The following DTNB variants were observed in gnomAD, a reference collection of about 807,000 sequenced individuals.
The protein encoded by DTNB is DTN-B.
DTNB carries 63 observed loss-of-function variants against 90.7 expected under a neutral mutation model. The observed-to-expected ratio is 0.69, with a 90% CI of 0.57 to 0.86. The LOEUF (loss-of-function observed/expected upper bound fraction) is 0.86. DTNB is among the 40% of genes least tolerant of loss of function. The pLI is 0.00. For synonymous variants in DTNB, 277 were observed against 286.7 expected (o/e 0.97, Z 0.34); for missense variants, 744 against 807.1 (o/e 0.92, Z 0.95).
intron 16 of DTNB, among the ~76,000 whole-genome samples, chr2:25,416,850 G>T (rs528580886): frequency 2.7e-5 from 3 of 111,508 alleles, no homozygotes; most frequent in African/African-American, 3.9e-5. Flanking sequence ...GGAAGGAAGG[G>T]TGGTTGGGTT....
intron 16 of DTNB, among the ~76,000 whole-genome samples, chr2:25,400,067 G>T (rs1424802519): frequency 6.6e-6 from 1 of 152,214 alleles, no homozygotes; most frequent in Non-Finnish European, 1.5e-5. Context: ...TTGTACAGAT[G>T]ATGCTGATGA....
intron 3 of DTNB, among the ~76,000 whole-genome samples, chr2:25,635,071 TAAAAAAAGA>T: frequency 7.6e-6 from 1 of 131,470 alleles, no homozygotes; most frequent in African/African-American, 2.8e-5. Context: ...AATAAAAAAA[TAAAAAAAGA>T]AAAAAAAAAA....
Position 25,388,291 on chromosome 2 carries a change from C to G in DTNB, c.1646G>C (p.Arg549Pro). The G allele has an allele frequency of 6.2e-7, 1 of 1,613,092 alleles. No homozygotes were observed. Among genetic ancestry groups the G allele is most frequent in the Non-Finnish European group, 8.5e-7 (1 of 1,179,602 alleles). ...GGGGGTGGAGCCGGCAGACGTGGAG[C>G]GCACTGGCATGGGCATTGGCCGGCC... ...GGGRPMPMPV[R>P]STSAGSTPTH... The change falls in exon 17 of 21, where the codon CGC becomes CCC. Residue 549 changes from arginine to proline, a missense_variant. Transcript: ENST00000406818.
rs1447914578 is a variant in DTNB at position 25,447,912 on chromosome 2, GT to G, written c.1257+3635del. ...ACTCTTCACTTTGCACGTAACCGAG[GT>G]TTTGCCACACAAATTCCTGACAATT... On this transcript the variant is annotated intron_variant, in intron 12 of 20. Transcript: ENST00000406818. Among the ~76,000 whole-genome samples the G allele has an allele frequency of 3.3e-5, 5 of 151,962 alleles. No homozygotes were observed. In the South Asian group the frequency reaches 8.3e-4, roughly 25 times the overall value.
Position 25,554,114 on chromosome 2 carries a change from T to C in DTNB, c.877-22517A>G, listed in dbSNP as rs1572502025. ...ACTGCTACATGAAATGCTAATACTT[T>C]TAAAACTGAAAAAGCTGTGAATGTG... On this transcript the variant is annotated intron_variant, in intron 8 of 20. Coordinates refer to ENST00000406818, the MANE Select transcript of DTNB (RefSeq NM_021907.5). Among the ~76,000 whole-genome samples, 4 of 152,272 alleles carry C rather than the reference T, an allele frequency of 2.6e-5. No homozygotes were observed. In the South Asian group the frequency reaches 6.2e-4, roughly 24 times the overall value.
At chr2:25,503,925 GAAAA>G (rs577391730) in intron 9 of DTNB, among the ~76,000 whole-genome samples, 1 of 134,080 alleles carries the variant, frequency 7.5e-6, no homozygotes, top group African/African-American at 2.7e-5. Context: ...TCAAAAAAAA[GAAAA>G]AAAAAAACAG....
At chr2:25,414,922 C>A (rs2047514748) in intron 16 of DTNB, among the ~76,000 whole-genome samples, 1 of 152,102 alleles carries the variant, frequency 6.6e-6, no homozygotes, top group African/African-American at 2.4e-5. Context: ...AAATCATGGG[C>A]TGAACAGTCA....
In DTNB at chr2:25,562,522, C is replaced by T. The variant is rs2058417905; in HGVS notation, c.876+14316G>A. 3.3e-5 allele frequency among the ~76,000 whole-genome samples: 5 copies of T among 152,192 alleles called. 1 individual carries two copies. The South Asian group carries it at 1.0e-3, about 32-fold the overall frequency. On this transcript the variant is annotated intron_variant, in intron 8 of 20. Coordinates refer to ENST00000406818, the MANE Select transcript of DTNB (RefSeq NM_021907.5). ...ACTGTTAAACTGTTTTCCAATGTGG[C>T]TATACCATTTTATATTCCCACCAAC...
At chr2:25,546,993 T>C (rs2082563774) in intron 8 of DTNB, among the ~76,000 whole-genome samples, 1 of 152,098 alleles carries the variant, frequency 6.6e-6, no homozygotes, top group African/African-American at 2.4e-5. Context: ...ACGAAAGGCA[T>C]ACACCACTGT....
chr2:25,470,704 T>C (rs989690582), intron 10 of DTNB, among the ~76,000 whole-genome samples: 1 of 152,152 alleles, frequency 6.6e-6, no homozygotes, highest in African/African-American at 2.4e-5. Context: ...GATCACAGTA[T>C]GTAAAGCTGT....
chr2:25,646,728 T>A (rs1559373362), intron 2 of DTNB, among the ~76,000 whole-genome samples: 1 of 152,208 alleles, frequency 6.6e-6, no homozygotes, highest in Non-Finnish European at 1.5e-5. Flanking sequence ...AACCAATATG[T>A]TTCTTAAATG....
At chr2:25,492,321 C>T (rs2067715169) in intron 9 of DTNB, among the ~76,000 whole-genome samples, 1 of 152,134 alleles carries the variant, frequency 6.6e-6, no homozygotes, top group African/African-American at 2.4e-5. Flanking sequence ...GGTTCCTAAT[C>T]TCAGCCTAGC....
chr2:25,385,849 C>G (rs1030314391), intron 18 of DTNB, among the ~76,000 whole-genome samples: 2 of 152,140 alleles, frequency 1.3e-5, no homozygotes, highest in Admixed American at 6.5e-5. Context: ...ATTTAATGAC[C>G]TCTCACCCTA....
At chr2:25,399,632 C>T (rs2043214799) in intron 16 of DTNB, among the ~76,000 whole-genome samples, 1 of 62,982 alleles carries the variant, frequency 1.6e-5, no homozygotes, top group South Asian at 4.5e-4. Context: ...GAGTGCTGGG[C>T]CCAGCCAACC....
intron 16 of DTNB, among the ~76,000 whole-genome samples, chr2:25,405,228 C>T (rs1021702616): frequency 3.9e-5 from 6 of 152,208 alleles, no homozygotes; most frequent in African/African-American, 9.6e-5. Flanking sequence ...ATGCCTGGCC[C>T]GACTAACCAC....
intron 7 of DTNB, among the ~76,000 whole-genome samples, chr2:25,579,390 G>A (rs899918909): frequency 2.0e-5 from 3 of 152,202 alleles, no homozygotes; most frequent in Non-Finnish European, 4.4e-5. Context: ...ATAGGAAAGC[G>A]AGAAAATAAA....
At chr2:25,433,065 A>G (rs2054496103) in intron 13 of DTNB, 66 bp from the exon 14 acceptor site, 1 of 1,451,122 alleles carries the variant, frequency 6.9e-7, no homozygotes, top group Non-Finnish European at 9.2e-7. Context: ...CTCTTTCCCT[A>G]TTACAACTTT....
chr2:25,496,374 G>A (rs906654402), intron 9 of DTNB, among the ~76,000 whole-genome samples: 3 of 152,086 alleles, frequency 2.0e-5, no homozygotes, highest in South Asian at 2.1e-4. Flanking sequence ...AGAAAGGATG[G>A]CATCTTAAAT....
chr2:25,546,559 G>A (rs2082460658), intron 8 of DTNB, among the ~76,000 whole-genome samples: 2 of 152,162 alleles, frequency 1.3e-5, no homozygotes, highest in Admixed American at 6.5e-5. Flanking sequence ...ACCCAAGACA[G>A]ATTTCCTACT....
Sources: gnomAD v4.1 joint callset for allele counts (sites outside exome capture counted in the v4.1 genomes callset) on GRCh38, gnomAD v4.1.1 for gene constraint, MANE v1.5 for transcripts, NCBI Gene and HGNC (gene_info 2026-07-23, HGNC 2026-07-21) for gene names.